Variants in PRKG1 observed in about 807,000 individuals in gnomAD.
The protein encoded by PRKG1 is protein kinase cGMP-dependent 1.
PRKG1 carries 35 observed loss-of-function variants against 88.1 expected under a neutral mutation model. The observed-to-expected ratio is 0.40, with a 90% CI of 0.30 to 0.53. PRKG1 has a LOEUF of 0.53. PRKG1 is among the 20% of genes least tolerant of loss of function. The pLI is 0.59. For synonymous variants in PRKG1, 303 were observed against 292.5 expected (o/e 1.04, Z -0.37); for missense variants, 540 against 839.8 (o/e 0.64, Z 4.41).
At chr10:51,565,678 A>G (rs1837583090) in intron 3 of PRKG1, among the ~76,000 whole-genome samples, 1 of 152,130 alleles carries the variant, frequency 6.6e-6, no homozygotes, top group Non-Finnish European at 1.5e-5. Context: ...CAGGTTCCAA[A>G]ATTACCCTTG....
At chr10:51,030,041 G>T (rs932694708) in intron 1 of PRKG1, among the ~76,000 whole-genome samples, 1 of 152,050 alleles carries the variant, frequency 6.6e-6, no homozygotes, top group Non-Finnish European at 1.5e-5. Context: ...ACTATTAATT[G>T]TTACTGTTAG....
At chr10:52,075,606 C>T (rs1325983839) in intron 7 of PRKG1, among the ~76,000 whole-genome samples, 2 of 152,144 alleles carry the variant, frequency 1.3e-5, no homozygotes, top group Non-Finnish European at 2.9e-5. Flanking sequence ...CATATATTGC[C>T]ATTTTAGTTA....
At chr10:51,942,925 T>G (rs1842942335) in intron 5 of PRKG1, among the ~76,000 whole-genome samples, 1 of 151,512 alleles carries the variant, frequency 6.6e-6, no homozygotes, top group South Asian at 2.1e-4. Context: ...AGGATTGACT[T>G]GGCGATGCGG....
At chr10:51,965,192 T>G (rs532606011) in intron 5 of PRKG1, among the ~76,000 whole-genome samples, 2 of 152,204 alleles carry the variant, frequency 1.3e-5, no homozygotes, top group Admixed American at 6.5e-5. Flanking sequence ...GTATTAAGCC[T>G]AGTTACCATT....
intron 2 of PRKG1, among the ~76,000 whole-genome samples, chr10:51,305,311 C>A (rs1191316341): frequency 6.6e-6 from 1 of 152,112 alleles, no homozygotes; most frequent in Admixed American, 6.5e-5. Flanking sequence ...GGCCTCCTAT[C>A]CTGCTTTATA....
chr10:52,166,880 T>TACACACACAC (rs143459696), intron 9 of PRKG1, among the ~76,000 whole-genome samples: 4 of 121,946 alleles, frequency 3.3e-5, no homozygotes, highest in Admixed American at 9.2e-5. Flanking sequence ...TGTGTATGTA[T>TACACACACAC]ACACACACAC....
intron 2 of PRKG1, among the ~76,000 whole-genome samples, chr10:51,436,814 A>G (rs543525558): frequency 3.3e-5 from 5 of 152,042 alleles, no homozygotes; most frequent in Non-Finnish European, 7.4e-5. Flanking sequence ...ACTTCTGCAT[A>G]GACTATTCAA....
intron 3 of PRKG1, among the ~76,000 whole-genome samples, chr10:51,722,488 T>C (rs942527469): frequency 6.6e-6 from 1 of 151,974 alleles, no homozygotes; most frequent in African/African-American, 2.4e-5. Context: ...TGATACTTAT[T>C]AAGTATCTAC....
intron 2 of PRKG1, among the ~76,000 whole-genome samples, chr10:51,261,038 CA>C (rs148074741): frequency 0.022 from 3,374 of 152,226 alleles, 121 homozygotes; most frequent in African/African-American, 0.077. Context: ...AGCAAATTTT[CA>C]AGGGATTGGA....
At chr10:51,030,144 T>C (rs1011817519) in intron 1 of PRKG1, among the ~76,000 whole-genome samples, 2 of 152,112 alleles carry the variant, frequency 1.3e-5, no homozygotes, top group African/African-American at 4.8e-5. Flanking sequence ...TGGATAATAG[T>C]AAATTGAACA....
intron 1 of PRKG1, among the ~76,000 whole-genome samples, chr10:51,126,744 G>A (rs1415460995): frequency 6.6e-6 from 1 of 151,972 alleles, no homozygotes; most frequent in Non-Finnish European, 1.5e-5. Flanking sequence ...AACCAAAACA[G>A]CATGGTACTG....
chr10:51,615,140 C>T (rs1839015313), intron 3 of PRKG1, among the ~76,000 whole-genome samples: 1 of 150,952 alleles, frequency 6.6e-6, no homozygotes, highest in African/African-American at 2.4e-5. Flanking sequence ...TGAATATATT[C>T]AACTTTGAAT....
At chr10:51,991,098 G>T (rs1351225677) in intron 5 of PRKG1, among the ~76,000 whole-genome samples, 2 of 151,978 alleles carry the variant, frequency 1.3e-5, no homozygotes, top group Admixed American at 6.6e-5. Flanking sequence ...TATAGCCATT[G>T]TAAATGGGAT....
intron 13 of PRKG1, among the ~76,000 whole-genome samples, chr10:52,281,208 A>G (rs1841995734): frequency 6.6e-6 from 1 of 152,202 alleles, no homozygotes; most frequent in African/African-American, 2.4e-5. Context: ...TTACATGCCC[A>G]GAAGTCCTTT....
At chr10:51,565,866 T>C (rs1837589803) in intron 3 of PRKG1, among the ~76,000 whole-genome samples, 1 of 152,108 alleles carries the variant, frequency 6.6e-6, no homozygotes, top group South Asian at 2.1e-4. Context: ...TAACTCTTAG[T>C]AACTAACCCA....
At chr10:52,193,572 AAAAC>A (rs1839428143) in intron 9 of PRKG1, among the ~76,000 whole-genome samples, 1 of 142,198 alleles carries the variant, frequency 7.0e-6, no homozygotes, top group African/African-American at 2.6e-5. Context: ...ACAAAAAAAA[AAAAC>A]AAAAAAAAAA....
intron 2 of PRKG1, among the ~76,000 whole-genome samples, chr10:51,398,583 GT>G (rs1564476854): frequency 6.6e-6 from 1 of 152,174 alleles, no homozygotes; most frequent in African/African-American, 2.4e-5. Flanking sequence ...TAACTGGATT[GT>G]TTTTTGTCCC....
At position 51,728,468 on chromosome 10, in the gene PRKG1, T is replaced by G. The variant is rs1261108045; in HGVS notation, c.593-76117T>G. Among the ~76,000 whole-genome samples, 123 of 149,244 alleles carry G rather than the reference T, an allele frequency of 8.2e-4. 1 individual carries two copies. Among genetic ancestry groups the G allele is most frequent in the Admixed American group, 5.9e-3 (88 of 14,916 alleles). ...TTTTTTCTTTGTTTTTTTTTTTTTTTTTTTTTTTTTTTAATCAGAAGCAAA... is the reference window on the plus strand; with the variant it reads ...TTTTTTCTTTGTTTTTTTTTTTTTTGTTTTTTTTTTTTAATCAGAAGCAAA... On this transcript the variant is annotated intron_variant, in intron 3 of 17. Transcript: ENST00000373980.
At chr10:51,053,365 C>T (rs1159414832) in intron 1 of PRKG1, among the ~76,000 whole-genome samples, 6 of 152,062 alleles carry the variant, frequency 3.9e-5, no homozygotes, top group Non-Finnish European at 7.4e-5. Context: ...CTTGGTGCCA[C>T]GTAATTTGGC....
Sources: gnomAD v4.1 joint callset for allele counts (sites outside exome capture counted in the v4.1 genomes callset) on GRCh38, gnomAD v4.1.1 for gene constraint, MANE v1.5 for transcripts, NCBI Gene and HGNC (gene_info 2026-07-23, HGNC 2026-07-21) for gene names.